Variants in METTL15 observed in about 807,000 individuals in gnomAD.
The protein encoded by METTL15 is methyltransferase 15, mitochondrial 12S rRNA N4-cytidine, also known as 12S rRNA N(4)-cytidine methyltransferase METTL15.
Under a neutral mutation model 38.3 loss-of-function variants are expected in METTL15, and 34 were observed. The observed-to-expected ratio is 0.89, with a 90% confidence interval of 0.68 to 1.18. The LOEUF (loss-of-function observed/expected upper bound fraction) is 1.18. METTL15 is among the 50% of genes most tolerant of loss of function. METTL15 has a pLI of 0.00. For missense variants in METTL15, 438 were observed against 498.4 expected, an observed-to-expected ratio of 0.88 and a Z score of 1.15; for synonymous variants, 162 against 170.9, an observed-to-expected ratio of 0.95 and a Z score of 0.41.
Position 28,243,703 on chromosome 11 carries a change from G to A in METTL15, c.407+32505G>A, listed in dbSNP as rs115122211. Among the ~76,000 whole-genome samples the A allele has an allele frequency of 2.0e-3, 310 of 152,174 alleles. 1 individual carries two copies. The highest frequency in any genetic ancestry group is 7.0e-3 in the African/African-American group (291 of 41,522). ...TGACAAATCATCAATTTTACTGATC[G>A]TTGAAAACTCATCTTAACTATGCAA... On this transcript the variant is annotated intron_variant, in intron 4 of 6. Coordinates refer to ENST00000407364, the MANE Select transcript of METTL15 (RefSeq NM_001113528.2).
chr11:28,360,840 G>A (rs1850131664), intron 4 of METTL15, among the ~76,000 whole-genome samples: 1 of 121,712 alleles, frequency 8.2e-6, no homozygotes, highest in African/African-American at 3.3e-5. Flanking sequence ...CCCAGAGTGT[G>A]ATGTTCCCCT....
intron 3 of METTL15, among the ~76,000 whole-genome samples, chr11:28,194,415 G>T (rs1430028907): frequency 6.6e-6 from 1 of 151,338 alleles, no homozygotes; most frequent in Non-Finnish European, 1.5e-5. Flanking sequence ...GGTCAGGCTG[G>T]TCTCGAACTC....
rs538081300 is a variant in METTL15, at chr11:28,196,475, G to C, written c.271-14587G>C. On this transcript the variant is annotated intron_variant, in intron 3 of 6. Transcript: ENST00000407364. ...CGTTTTTTTTGCAGCTCTTGTAAAA[G>C]GGATTGAGTTCTTCATTTAATTCTC... Among the ~76,000 whole-genome samples, 14 of 151,950 alleles carry C rather than the reference G, an allele frequency of 9.2e-5. No individual in the cohort carries two copies. The South Asian group carries it at 1.2e-3, about 14-fold the overall frequency.
intron 5 of METTL15, among the ~76,000 whole-genome samples, chr11:28,417,264 G>T (rs6484371): frequency 0.41 from 61,749 of 152,006 alleles, 14,292 homozygotes; most frequent in Admixed American, 0.52. Flanking sequence ...TCTCAAGTTT[G>T]CTCTGATTTT....
chr11:28,236,854 A>G (rs1276440390), intron 4 of METTL15, among the ~76,000 whole-genome samples: 2 of 152,020 alleles, frequency 1.3e-5, no homozygotes, highest in Non-Finnish European at 2.9e-5. Flanking sequence ...TTCTCCTTCA[A>G]TTATGAAGCT....
chr11:28,267,551 A>G (rs1198250014), intron 4 of METTL15, among the ~76,000 whole-genome samples: 1 of 152,206 alleles, frequency 6.6e-6, no homozygotes, highest in African/African-American at 2.4e-5. Flanking sequence ...AGTGTTTACT[A>G]TCTCCCACTC....
At chr11:28,342,358 G>T (rs748942117) in intron 3 of METTL15, among the ~76,000 whole-genome samples, 1 of 151,984 alleles carries the variant, frequency 6.6e-6, no homozygotes, top group African/African-American at 2.4e-5. Context: ...AACCTCCCAG[G>T]TTCAAGTGGT....
chr11:28,277,117 A>G (rs564343529), intron 4 of METTL15, among the ~76,000 whole-genome samples: 47 of 152,344 alleles, frequency 3.1e-4, no homozygotes, highest in Non-Finnish European at 5.7e-4. Flanking sequence ...GAGACAACCT[A>G]TTGAATGGGA....
At chr11:28,477,276 A>G (rs528950482) in intron 6 of METTL15, among the ~76,000 whole-genome samples, 22 of 152,200 alleles carry the variant, frequency 1.4e-4, no homozygotes, top group African/African-American at 5.1e-4. Context: ...TCCTGTGTTC[A>G]TGCAATTCTC....
chr11:28,133,765 T>C (rs1490376189), intron 3 of METTL15, among the ~76,000 whole-genome samples: 1 of 152,154 alleles, frequency 6.6e-6, no homozygotes, highest in Non-Finnish European at 1.5e-5. Flanking sequence ...TATCCTCTAG[T>C]CTTAACCAAG....
At chr11:28,453,785 A>G (rs958988722) in intron 6 of METTL15, among the ~76,000 whole-genome samples, 2 of 152,220 alleles carry the variant, frequency 1.3e-5, no homozygotes, top group East Asian at 1.9e-4. Context: ...TGCGAGTACT[A>G]CAGTTGACTC....
At chr11:28,139,778 A>C (rs948666980) in intron 3 of METTL15, among the ~76,000 whole-genome samples, 1 of 152,114 alleles carries the variant, frequency 6.6e-6, no homozygotes, top group African/African-American at 2.4e-5. Context: ...AAACTCTTGC[A>C]TAGAAAAGCT....
At position 28,204,435 on chromosome 11, in the gene METTL15, C is replaced by CTTTTT. The variant is rs59729387; in HGVS notation, c.271-6605_271-6601dup. 1.9e-4 allele frequency among the ~76,000 whole-genome samples: 15 copies of CTTTTT among 79,338 alleles called. 1 individual carries two copies. Among genetic ancestry groups the CTTTTT allele is most frequent in the African/African-American group, 5.5e-4 (11 of 19,906 alleles). 52.0% of individuals were successfully genotyped at this position (79,338 alleles called of 152,430 possible). A position where few individuals can be genotyped will look rare whatever the true frequency, so the allele number is the denominator to read the frequency against. On this transcript the variant is annotated intron_variant, in intron 3 of 6. Coordinates refer to ENST00000407364, the MANE Select transcript of METTL15 (RefSeq NM_001113528.2). ...ATTTTCTCTCTGCACCTGAGTTTTC[C>CTTTTT]TTTTTTTTTTTTTTTTTTTTTTTTT... is the stretch of plus-strand genomic sequence containing the variant.
intron 6 of METTL15, among the ~76,000 whole-genome samples, chr11:28,508,787 A>G (rs949976124): frequency 2.6e-5 from 4 of 152,208 alleles, no homozygotes; most frequent in Non-Finnish European, 5.9e-5. Context: ...TTTGTCTGCA[A>G]TCATTTGGTA....
At chr11:28,213,796 T>C (rs1852745834) in intron 4 of METTL15, among the ~76,000 whole-genome samples, 1 of 151,470 alleles carries the variant, frequency 6.6e-6, no homozygotes, top group Non-Finnish European at 1.5e-5. Flanking sequence ...GCTGGGACTA[T>C]AGGCGCTTGT....
chr11:28,197,687 C>T (rs1435499193), intron 3 of METTL15: 1 of 276,126 alleles, frequency 3.6e-6, no homozygotes, highest in Non-Finnish European at 7.5e-6. Flanking sequence ...GCAATATGCA[C>T]ATATGTGCAT....
chr11:28,125,748 T>G (rs1169376806), intron 3 of METTL15: 19 of 152,132 alleles, frequency 1.2e-4, no homozygotes, highest in Non-Finnish European at 7.4e-5. Context: ...CTTAAATTGC[T>G]GTAACTGTTT....
chr11:28,486,301 G>A (rs1221174363), intron 6 of METTL15, among the ~76,000 whole-genome samples: 1 of 152,070 alleles, frequency 6.6e-6, no homozygotes. Context: ...GGGAGCCTTC[G>A]GTAGTCCTGG....
chr11:28,425,205 A>G (rs1324435919), intron 6 of METTL15, among the ~76,000 whole-genome samples: 3 of 152,180 alleles, frequency 2.0e-5, no homozygotes, highest in South Asian at 2.1e-4. Flanking sequence ...CTGTCCATCA[A>G]TCCATCCCTC....
Sources: allele counts gnomAD v4.1 joint callset (sites outside exome capture counted in the v4.1 genomes callset), GRCh38; gene constraint gnomAD v4.1.1; transcripts MANE v1.5; gene names NCBI Gene and HGNC (gene_info 2026-07-23, HGNC 2026-07-21).